Variants in THSD4 observed in about 807,000 individuals in gnomAD.
THSD4 encodes the protein thrombospondin type-1 domain-containing protein 4.
THSD4 carries 69 observed loss-of-function variants against 119.0 expected under a neutral mutation model. The observed-to-expected ratio is 0.58, with a 90% confidence interval of 0.48 to 0.71. THSD4 has a LOEUF of 0.71. Among genes scored for constraint, THSD4 ranks in the 30% least tolerant of loss-of-function variants. THSD4 has a pLI of 0.00. For missense variants in THSD4, 1,393 were observed against 1,391.1 expected, an observed-to-expected ratio of 1.00 and a Z score of -0.02; for synonymous variants, 524 against 540.4, an observed-to-expected ratio of 0.97 and a Z score of 0.42.
intron 2 of THSD4, among the ~76,000 whole-genome samples, chr15:71,143,700 C>CTTTTTTTTTTTTTTTTTTTTTT (rs546375502): frequency 2.0e-5 from 2 of 100,744 alleles, no homozygotes; most frequent in African/African-American, 7.1e-5. Context: ...TTTTTTCTTT[C>CTTTTTTTTTTTTTTTTTTTTTT]TTTTTTTTTT....
At chr15:71,432,085 C>CAT (rs1242958297) in intron 7 of THSD4, among the ~76,000 whole-genome samples, 1 of 151,896 alleles carries the variant, frequency 6.6e-6, no homozygotes, top group East Asian at 1.9e-4. Flanking sequence ...CAAGACATAT[C>CAT]AGATTTCTAG....
At position 71,773,214 on chromosome 15, in the gene THSD4, AAGAAAAAG is replaced by A. The variant is rs765676385; in HGVS notation, c.2914+2008_2914+2015del. On this transcript the variant is annotated intron_variant, in intron 17 of 17. Coordinates refer to ENST00000261862, the MANE Select transcript of THSD4 (RefSeq NM_024817.3). ...AGACCATGTCTCAAAAAAAAAAAAAAAGAAAAAGAAAAAAGAAAAGAAAAAAAAGTTAT... is the reference window on the plus strand; with the variant it reads ...AGACCATGTCTCAAAAAAAAAAAAAAAAAAAAGAAAAGAAAAAAAAGTTAT... Among the ~76,000 whole-genome samples the A allele has an allele frequency of 4.3e-3, 539 of 126,526 alleles. 15 individuals carry two copies. Among genetic ancestry groups the A allele is most frequent in the African/African-American group, 0.014 (485 of 34,090 alleles). 83.0% of individuals were successfully genotyped at this position (126,526 alleles called of 152,430 possible).
intron 7 of THSD4, among the ~76,000 whole-genome samples, chr15:71,491,239 G>A (rs1240538527): frequency 2.0e-5 from 3 of 152,094 alleles, no homozygotes; most frequent in African/African-American, 4.8e-5. Context: ...TTTAAATTTG[G>A]AAAGTTAAAG....
At chr15:71,503,536 A>G (rs2048143531) in intron 7 of THSD4, among the ~76,000 whole-genome samples, 1 of 152,098 alleles carries the variant, frequency 6.6e-6, no homozygotes. Context: ...CTGGTCCACA[A>G]GTGAAAAAAC....
At chr15:71,297,154 A>G (rs968309686) in intron 6 of THSD4, among the ~76,000 whole-genome samples, 3 of 151,728 alleles carry the variant, frequency 2.0e-5, no homozygotes, top group Non-Finnish European at 4.4e-5. Context: ...AATTATATCC[A>G]TCCTAGTAGT....
At chr15:71,226,692 A>G (rs1282722932) in intron 4 of THSD4, among the ~76,000 whole-genome samples, 3 of 152,192 alleles carry the variant, frequency 2.0e-5, no homozygotes, top group African/African-American at 7.2e-5. Context: ...TAAACTTCAC[A>G]AAGCCACATG....
At chr15:71,522,004 C>A (rs751705105) in intron 7 of THSD4, among the ~76,000 whole-genome samples, 1 of 152,136 alleles carries the variant, frequency 6.6e-6, no homozygotes, top group Non-Finnish European at 1.5e-5. Flanking sequence ...AAAGTTAGAG[C>A]CCTAATGTCT....
At chr15:71,624,004 G>C (rs1038492390) in intron 7 of THSD4, among the ~76,000 whole-genome samples, 1 of 152,122 alleles carries the variant, frequency 6.6e-6, no homozygotes, top group African/African-American at 2.4e-5. Flanking sequence ...CAGATGTCAT[G>C]GATTGGCTTC....
intron 7 of THSD4, among the ~76,000 whole-genome samples, chr15:71,471,076 T>G (rs2047571460): frequency 6.6e-6 from 1 of 152,248 alleles, no homozygotes; most frequent in African/African-American, 2.4e-5. Flanking sequence ...TTGCTGGTTT[T>G]GGGATAACCC....
At chr15:71,409,447 C>T (rs2046653510) in intron 6 of THSD4, among the ~76,000 whole-genome samples, 1 of 152,152 alleles carries the variant, frequency 6.6e-6, no homozygotes, top group East Asian at 1.9e-4. Flanking sequence ...AATTTTGCCT[C>T]CAACTTGTCA....
At chr15:71,375,950 C>G in intron 6 of THSD4, among the ~76,000 whole-genome samples, 1 of 152,162 alleles carries the variant, frequency 6.6e-6, no homozygotes, top group East Asian at 1.9e-4. Context: ...TACTATGACT[C>G]TGTATTATTT....
intron 7 of THSD4, among the ~76,000 whole-genome samples, chr15:71,617,575 G>A (rs906128887): frequency 6.6e-5 from 10 of 152,150 alleles, no homozygotes; most frequent in African/African-American, 1.9e-4. Context: ...AACCAAATCC[G>A]TAGCCAAACA....
chr15:71,423,636 G>A (rs2046835433), intron 7 of THSD4, among the ~76,000 whole-genome samples: 1 of 152,198 alleles, frequency 6.6e-6, no homozygotes, highest in African/African-American at 2.4e-5. Context: ...TGCACTGCCT[G>A]GGGTTGGAGG....
chr15:71,626,195 A>G (rs1192446642), intron 7 of THSD4, among the ~76,000 whole-genome samples: 4 of 152,040 alleles, frequency 2.6e-5, no homozygotes, highest in Non-Finnish European at 2.9e-5. Context: ...GTAACTTGCA[A>G]TCTTTTGGTA....
chr15:71,220,539 C>A (rs745642162), intron 4 of THSD4, among the ~76,000 whole-genome samples: 4 of 152,116 alleles, frequency 2.6e-5, no homozygotes, highest in Non-Finnish European at 4.4e-5. Flanking sequence ...TTGAATAATT[C>A]AATGAAATAA....
chr15:71,557,766 T>G (rs1050215634), intron 7 of THSD4, among the ~76,000 whole-genome samples: 1 of 152,218 alleles, frequency 6.6e-6, no homozygotes, highest in African/African-American at 2.4e-5. Flanking sequence ...ATAAATGTGT[T>G]CATTATACCT....
chr15:71,215,108 C>A lies in THSD4; in HGVS notation c.173C>A (p.Ala58Asp). ...GGCGGCGCCCCGGGAGTGTGGGGCG[C>A]CTGGGGCCCCTGGTCGGCCTGCTCG... is the stretch of plus-strand genomic sequence containing the variant. ...GGGGAPGVWG[A>D]WGPWSACSRS... Residue 58 changes from alanine (A) to aspartate (D), a missense_variant, in exon 4 of 18, where the codon GCC (alanine) becomes GAC (aspartate). Physicochemically the swap from Ala to Asp is moderately radical, Grantham distance 126. Coordinates refer to ENST00000261862, the MANE Select transcript of THSD4 (RefSeq NM_024817.3). The A allele has an allele frequency of 7.5e-7, 1 of 1,340,822 alleles. No individual in the cohort carries two copies. The highest frequency in any genetic ancestry group is 9.6e-7 in the Non-Finnish European group (1 of 1,043,118). The allele number at this position is 1,340,822 out of a possible 1,614,324, so 83.1% of individuals were successfully genotyped here.
Position 71,215,384 on chromosome 15 carries a change from T to C in THSD4, c.449T>C (p.Val150Ala). The C allele has an allele frequency of 6.5e-7, 1 of 1,530,610 alleles. No individual in the cohort carries two copies. The allele number at this position is 1,530,610 out of a possible 1,614,324, so 94.8% of individuals were successfully genotyped here. The change falls in exon 4 of 18, where the codon GTC becomes GCC. Residue 150 changes from valine to alanine, a missense_variant. Physicochemically the swap from Val to Ala is moderately conservative, Grantham distance 64. Transcript: ENST00000261862. Reference protein sequence around the residue: ...SRHPQPQGLEVTGDRRSRTRG... With the variant: ...SRHPQPQGLEATGDRRSRTRG... Reference sequence around the variant, plus strand: ...CACCCACAGCCCCAGGGCCTCGAAGTCACTGGGGACAGAAGGTACACGCCC... The same window carrying C: ...CACCCACAGCCCCAGGGCCTCGAAGCCACTGGGGACAGAAGGTACACGCCC...
intron 2 of THSD4, among the ~76,000 whole-genome samples, chr15:71,144,318 A>C (rs901548054): frequency 1.3e-5 from 2 of 152,230 alleles, no homozygotes; most frequent in African/African-American, 4.8e-5. Context: ...AAGCAAAAGT[A>C]GAGTGTCTTC....
Sources: gnomAD v4.1 joint callset for allele counts (sites outside exome capture counted in the v4.1 genomes callset) on GRCh38, gnomAD v4.1.1 for gene constraint, MANE v1.5 for transcripts, NCBI Gene and HGNC (gene_info 2026-07-23, HGNC 2026-07-21) for gene names.